Variants in SMIM13 observed in about 807,000 individuals in gnomAD.
SMIM13 encodes the protein small integral membrane protein 13, also known as UPF0766 protein C6orf228.
A neutral mutation model predicts 5.9 loss-of-function variants in SMIM13; 3 were observed. The ratio of observed to expected loss-of-function variants is 0.51; its 90% CI spans 0.23 to 1.31. The LOEUF (loss-of-function observed/expected upper bound fraction) is 1.31. SMIM13 is among the 40% of genes most tolerant of loss of function. The pLI is 0.18. For missense variants in SMIM13, 85 were observed against 109.9 expected (o/e 0.77, Z 1.01); for synonymous variants, 55 against 46.0 (o/e 1.19, Z -0.79).
chr6:11,114,334 G>A (rs1758208587), intron 1 of SMIM13, among the ~76,000 whole-genome samples: 2 of 152,110 alleles, frequency 1.3e-5, no homozygotes, highest in African/African-American at 4.8e-5. Flanking sequence ...GCACTGGCTA[G>A]GGCCTTATAA....
intron 1 of SMIM13, chr6:11,103,975 C>A (rs1039344409): frequency 1.2e-5 from 18 of 1,551,524 alleles, no homozygotes; most frequent in Middle Eastern, 1.7e-4. Context: ...TGTACTTTTC[C>A]TGATTGATTT....
At chr6:11,108,934 T>C (rs1443298640) in intron 1 of SMIM13, among the ~76,000 whole-genome samples, 4 of 152,224 alleles carry the variant, frequency 2.6e-5, no homozygotes, top group African/African-American at 9.7e-5. Context: ...CCTTGATCTG[T>C]CAAGCCCAAT....
chr6:11,100,363 T>G (rs557045024), intron 1 of SMIM13, among the ~76,000 whole-genome samples: 81 of 152,300 alleles, frequency 5.3e-4, no homozygotes, highest in African/African-American at 1.9e-3. Context: ...CCTGGCCTAC[T>G]TTGGTACATT....
chr6:11,094,433 C>T (rs1757895821), intron 1 of SMIM13, 44 bp downstream of exon 1: 1 of 1,425,624 alleles, frequency 7.0e-7, no homozygotes, highest in Non-Finnish European at 9.5e-7. Flanking sequence ...CACGCCGGGT[C>T]GCTGATCTGC....
rs1229005192 is a variant in SMIM13, at chr6:11,135,606, C to T, written c.*1004C>T. 1 of 152,550 alleles carries T rather than the reference C, an allele frequency of 6.6e-6. No individual in the cohort carries two copies. The highest frequency in any genetic ancestry group is 1.5e-5 in the Non-Finnish European group (1 of 68,006). 9.4% of individuals were successfully genotyped at this position (152,550 alleles called of 1,614,324 possible). A position where few individuals can be genotyped will look rare whatever the true frequency, so the allele number is the denominator to read the frequency against. On this transcript the variant is annotated 3_prime_UTR_variant, in exon 2 of 2. Coordinates refer to ENST00000416247, the MANE Select transcript of SMIM13 (RefSeq NM_001135575.2). ...GCATAACCAGTACTCTTGACAACACCGGGAGAGACGTTCTGTGGAAAAATG... is the reference window on the plus strand; with the variant it reads ...GCATAACCAGTACTCTTGACAACACTGGGAGAGACGTTCTGTGGAAAAATG...
intron 1 of SMIM13, among the ~76,000 whole-genome samples, chr6:11,132,308 A>G (rs1439729259): frequency 6.6e-6 from 1 of 152,220 alleles, no homozygotes; most frequent in Non-Finnish European, 1.5e-5. Context: ...GGAACCTCAT[A>G]CATTGCAGGT....
intron 1 of SMIM13, among the ~76,000 whole-genome samples, chr6:11,110,118 T>G (rs1194300778): frequency 6.6e-6 from 1 of 152,200 alleles, no homozygotes; most frequent in Non-Finnish European, 1.5e-5. Context: ...CATCTCCCCT[T>G]GTTCTCTTAA....
At chr6:11,131,398 T>TG (rs1273248186) in intron 1 of SMIM13, among the ~76,000 whole-genome samples, 1 of 151,684 alleles carries the variant, frequency 6.6e-6, no homozygotes, top group Non-Finnish European at 1.5e-5. Flanking sequence ...AAATTCTTGA[T>TG]GCCATTTTTT....
chr6:11,101,230 GGTT>G (rs1757987420), intron 1 of SMIM13, among the ~76,000 whole-genome samples: 2 of 152,020 alleles, frequency 1.3e-5, no homozygotes, highest in Admixed American at 1.3e-4. Context: ...TTCAGAACTT[GGTT>G]GTTCTATGTT....
chr6:11,131,118 C>T (rs1758445855), intron 1 of SMIM13, among the ~76,000 whole-genome samples: 1 of 151,980 alleles, frequency 6.6e-6, no homozygotes, highest in African/African-American at 2.4e-5. Flanking sequence ...TTGAGTCTAA[C>T]CTAAGAGTTA....
chr6:11,110,465 C>T (rs904136205), intron 1 of SMIM13, among the ~76,000 whole-genome samples: 3 of 152,146 alleles, frequency 2.0e-5, no homozygotes, highest in Admixed American at 6.5e-5. Flanking sequence ...TTTAAGAAGA[C>T]GAGAAGCCTG....
At chr6:11,112,308 G>T (rs1029625752) in intron 1 of SMIM13, among the ~76,000 whole-genome samples, 4 of 151,870 alleles carry the variant, frequency 2.6e-5, no homozygotes, top group Non-Finnish European at 5.9e-5. Flanking sequence ...CTGGAGTGCA[G>T]TGATGCAATC....
intron 1 of SMIM13, among the ~76,000 whole-genome samples, chr6:11,111,365 T>C (rs543277256): frequency 6.6e-6 from 1 of 152,210 alleles, no homozygotes; most frequent in East Asian, 1.9e-4. Flanking sequence ...CTGATTTTAG[T>C]TGAAAAAGCA....
At chr6:11,096,937 C>T (rs537958581) in intron 1 of SMIM13, among the ~76,000 whole-genome samples, 3 of 152,320 alleles carry the variant, frequency 2.0e-5, no homozygotes, top group South Asian at 4.1e-4. Flanking sequence ...GTGATCCACC[C>T]GCCTCGGCTT....
At chr6:11,101,394 C>T (rs1034550425) in intron 1 of SMIM13, among the ~76,000 whole-genome samples, 6 of 152,132 alleles carry the variant, frequency 3.9e-5, no homozygotes, top group African/African-American at 7.2e-5. Context: ...TACTGAGGTT[C>T]GACTTTGTTT....
At chr6:11,127,052 C>T (rs1758386338) in intron 1 of SMIM13, among the ~76,000 whole-genome samples, 1 of 152,216 alleles carries the variant, frequency 6.6e-6, no homozygotes, top group Non-Finnish European at 1.5e-5. Context: ...ACCCCTGTGG[C>T]CACCACTGCT....
At chr6:11,113,131 T>G (rs370649164) in intron 1 of SMIM13, among the ~76,000 whole-genome samples, 19 of 152,264 alleles carry the variant, frequency 1.2e-4, no homozygotes, top group Middle Eastern at 6.8e-3. Flanking sequence ...AGTAGTAGTA[T>G]TAGTAGTTAG....
chr6:11,122,380 G>A (rs9468455), intron 1 of SMIM13, among the ~76,000 whole-genome samples: 117,389 of 152,220 alleles, frequency 0.77, 46,044 homozygotes, highest in African/African-American at 0.91. Context: ...TCCTTTCCCT[G>A]AAAGGGAAAA....
intron 1 of SMIM13, chr6:11,105,041 A>C: frequency 6.2e-7 from 1 of 1,614,184 alleles, no homozygotes; most frequent in East Asian, 2.2e-5. Flanking sequence ...AAAGAAGACT[A>C]TTTGCAGGCC....
Sources: allele counts gnomAD v4.1 joint callset (sites outside exome capture counted in the v4.1 genomes callset), GRCh38; gene constraint gnomAD v4.1.1; transcripts MANE v1.5; gene names NCBI Gene and HGNC (gene_info 2026-07-23, HGNC 2026-07-21).